The following ZNF423 variants were observed in gnomAD, a reference collection of about 807,000 sequenced individuals.
The protein encoded by ZNF423 is Ebf-associated zinc finger protein.
In ZNF423, 12 loss-of-function variants were observed where a neutral mutation model predicts 95.8. The ratio of observed to expected loss-of-function variants is 0.13; its 90% CI spans 0.08 to 0.20. ZNF423 has a LOEUF of 0.20. Among genes scored for constraint, ZNF423 ranks in the 10% least tolerant of loss-of-function variants. The pLI is 1.00. For missense variants in ZNF423, 1,316 were observed against 1,737.1 expected (o/e 0.76, Z 4.31); for synonymous variants, 749 against 711.9 (o/e 1.05, Z -0.83).
At chr16:49,619,056 G>T (rs895204767) in intron 5 of ZNF423, among the ~76,000 whole-genome samples, 1 of 151,932 alleles carries the variant, frequency 6.6e-6, no homozygotes, top group African/African-American at 2.4e-5. Context: ...CTCTATAATT[G>T]GCTTGTACTA....
rs75543310 is a variant in ZNF423, at chr16:49,761,833, A to G, written c.100+27654T>C. On this transcript the variant is annotated intron_variant, in intron 2 of 7. Transcript: ENST00000563137. ...ACATGAACGAATCCTTTAAAAAGAGAGAGAGACAGGGTCTCATTCTATTGC... is the reference window on the plus strand; with the variant it reads ...ACATGAACGAATCCTTTAAAAAGAGGGAGAGACAGGGTCTCATTCTATTGC... Among the ~76,000 whole-genome samples, 1,214 of 152,296 alleles carry G rather than the reference A, an allele frequency of 8.0e-3. 14 individuals are homozygous for G. Among genetic ancestry groups the G allele is most frequent in the African/African-American group, 0.028 (1,144 of 41,548 alleles).
At chr16:49,621,583 G>C (rs748445682) in intron 5 of ZNF423, among the ~76,000 whole-genome samples, 28 of 152,162 alleles carry the variant, frequency 1.8e-4, no homozygotes, top group Non-Finnish European at 3.4e-4. Flanking sequence ...AGTGCCCTGA[G>C]TTTATGAGAA....
intron 1 of ZNF423, among the ~76,000 whole-genome samples, chr16:49,831,486 T>C (rs2035060366): frequency 6.6e-6 from 1 of 152,174 alleles, no homozygotes; most frequent in Non-Finnish European, 1.5e-5. Flanking sequence ...AGCCTCAGTT[T>C]CCTCACCTAT....
chr16:49,723,951 C>T (rs2032937237), intron 3 of ZNF423, among the ~76,000 whole-genome samples: 1 of 152,240 alleles, frequency 6.6e-6, no homozygotes, highest in African/African-American at 2.4e-5. Context: ...TTCCTGTCCC[C>T]ACTCCCTGTT....
At chr16:49,510,109 G>A (rs1051752796) in intron 7 of ZNF423, among the ~76,000 whole-genome samples, 1 of 152,232 alleles carries the variant, frequency 6.6e-6, no homozygotes, top group African/African-American at 2.4e-5. Flanking sequence ...ATCTGTGAAA[G>A]AGGGACAGTG....
rs750099605 is a variant in ZNF423, at chr16:49,637,750, C to T, written c.1426G>A (p.Ala476Thr). ...TTGCCAAACTGCATCACAGGGTAGG[C>T]ATGGTTCTTGTGCAGCTTGCGAACG... Reference protein sequence around the residue: ...EHVRKLHKNHAYPVMQFGNIS... With the variant: ...EHVRKLHKNHTYPVMQFGNIS... Residue 476 changes from alanine (A) to threonine (T), a missense_variant, in exon 4 of 8, where the codon GCC becomes ACC. By Grantham distance (58) the Ala-to-Thr change is moderately conservative. Transcript: ENST00000563137. The surrounding 1 kb of genome is among the most constrained non-coding windows in gnomAD (Gnocchi z 5.6). The T allele has an allele frequency of 6.2e-7, 1 of 1,614,128 alleles. No homozygotes were observed. The highest frequency in any genetic ancestry group is 1.1e-5 in the South Asian group (1 of 91,084).
At chr16:49,703,094 A>G (rs989659887) in intron 3 of ZNF423, among the ~76,000 whole-genome samples, 2 of 152,182 alleles carry the variant, frequency 1.3e-5, no homozygotes, top group African/African-American at 2.4e-5. Flanking sequence ...CCGCATTCCA[A>G]TGCTGGGCCC....
At chr16:49,728,722 TTTTA>T (rs60971141) in intron 3 of ZNF423, among the ~76,000 whole-genome samples, 1 of 150,968 alleles carries the variant, frequency 6.6e-6, no homozygotes, top group African/African-American at 2.4e-5. Flanking sequence ...GCCACCATTC[TTTTA>T]TTTATTTATT....
chr16:49,806,648 C>G (rs2034668232), intron 1 of ZNF423, among the ~76,000 whole-genome samples: 1 of 152,098 alleles, frequency 6.6e-6, no homozygotes, highest in East Asian at 1.9e-4. Context: ...GTGCTTCCAT[C>G]TGGTTCTGAA....
chr16:49,645,938 G>A (rs2151897352), intron 3 of ZNF423, among the ~76,000 whole-genome samples: 1 of 152,296 alleles, frequency 6.6e-6, no homozygotes, highest in Middle Eastern at 3.4e-3. Flanking sequence ...AGTTTCCTGA[G>A]GCCTTCCCAG....
At chr16:49,647,865 A>G (rs1207910582) in intron 3 of ZNF423, among the ~76,000 whole-genome samples, 1 of 152,228 alleles carries the variant, frequency 6.6e-6, no homozygotes, top group East Asian at 1.9e-4. Flanking sequence ...ACTAATACAG[A>G]TTTTGGTACC....
chr16:49,736,541 G>A lies in ZNF423; in HGVS notation c.101-5570C>T, dbSNP rs183669950. ...TTTCAGGCCAGTCACAATGGCTTAC[G>A]CCTGTAATCCTAGCACTTTAGGAGG... On this transcript the variant is annotated intron_variant, in intron 2 of 7. Transcript: ENST00000563137. Among the ~76,000 whole-genome samples, 18 of 152,220 alleles carry A rather than the reference G, an allele frequency of 1.2e-4. 1 individual carries two copies. The highest frequency in any genetic ancestry group is 1.1e-3 in the Admixed American group (17 of 15,284).
intron 3 of ZNF423, among the ~76,000 whole-genome samples, chr16:49,705,678 G>C (rs2032325433): frequency 6.6e-6 from 1 of 152,122 alleles, no homozygotes; most frequent in African/African-American, 2.4e-5. Flanking sequence ...CTCCCAAGTA[G>C]CTGGGATTAC....
chr16:49,800,960 A>G (rs1040589097), intron 1 of ZNF423, among the ~76,000 whole-genome samples: 1 of 152,230 alleles, frequency 6.6e-6, no homozygotes, highest in Non-Finnish European at 1.5e-5. Flanking sequence ...GTAGGAAAAG[A>G]AAAGGAAACT....
At chr16:49,789,677 G>A (rs566077712) in intron 1 of ZNF423, 131 bp from the exon 2 acceptor site, 4 of 791,858 alleles carry the variant, frequency 5.1e-6, no homozygotes, top group Non-Finnish European at 5.7e-6. Context: ...GGGAGAGGGG[G>A]CAAAGCCTAC....
At chr16:49,835,383 G>T (rs1044598369) in intron 1 of ZNF423, among the ~76,000 whole-genome samples, 1 of 152,204 alleles carries the variant, frequency 6.6e-6, no homozygotes, top group African/African-American at 2.4e-5. Context: ...CCTCATCACC[G>T]GGAAGAAGGG....
chr16:49,564,783 T>A (rs1334817564), intron 5 of ZNF423, among the ~76,000 whole-genome samples: 2 of 151,980 alleles, frequency 1.3e-5, no homozygotes, highest in Non-Finnish European at 2.9e-5. Flanking sequence ...AAGGAGGGGG[T>A]GCTGTGCCCA....
rs1431014822 is a variant in ZNF423 at position 49,490,052 on chromosome 16, C to G, written c.*1223G>C. 1.3e-5 allele frequency: 2 copies of G among 152,344 alleles called. No homozygotes were observed. The highest frequency in any genetic ancestry group is 2.9e-5 in the Non-Finnish European group (2 of 68,138). 9.4% of individuals were successfully genotyped at this position (152,344 alleles called of 1,614,324 possible). A position where few individuals can be genotyped will look rare whatever the true frequency, so the allele number is the denominator to read the frequency against. Reference sequence around the variant, plus strand: ...AGGCCCCTGCCTGCCTCACTCCAGACCTGGCCCCCGCCACCAGTCTCAATG... The same window carrying G: ...AGGCCCCTGCCTGCCTCACTCCAGAGCTGGCCCCCGCCACCAGTCTCAATG... On this transcript the variant is annotated 3_prime_UTR_variant, in exon 8 of 8. Transcript: ENST00000563137.
upstream of ZNF423, chr16:49,856,113 CAA>C (rs1179159400): frequency 3.7e-4 from 1 of 2,678 alleles, no homozygotes; most frequent in African/African-American, 1.6e-3. Flanking sequence ...CCGAGTTATG[CAA>C]AAAAAAAAAA....
Sources: gnomAD v4.1 joint callset for allele counts (sites outside exome capture counted in the v4.1 genomes callset) on GRCh38, gnomAD v4.1.1 for gene constraint, Gnocchi (gnomAD v3.1) non-coding constraint, MANE v1.5 for transcripts, NCBI Gene and HGNC (gene_info 2026-07-23, HGNC 2026-07-21) for gene names.